Variants in AKT3 observed in about 807,000 individuals in gnomAD.
The protein encoded by AKT3 is RAC-gamma serine/threonine-protein kinase.
Under a neutral mutation model 65.3 loss-of-function variants are expected in AKT3, and 15 were observed. The observed-to-expected ratio is 0.23, with a 90% CI of 0.15 to 0.35. The LOEUF (loss-of-function observed/expected upper bound fraction) is 0.35, where lower values mean the gene tolerates loss of function less well. Among genes scored for constraint, AKT3 ranks in the 10% least tolerant of loss-of-function variants. The probability of loss-of-function intolerance (pLI) is 1.00; values close to 1 mark genes in which losing one functional copy is unlikely to be tolerated. For missense variants in AKT3, 243 were observed against 576.5 expected, an observed-to-expected ratio of 0.42 and a Z score of 5.92; for synonymous variants, 206 against 183.8, an observed-to-expected ratio of 1.12 and a Z score of -0.98.
chr1:243,730,155 C>CA lies in AKT3; in HGVS notation c.47-34440dup, dbSNP rs565102405. Among the ~76,000 whole-genome samples the CA allele has an allele frequency of 2.6e-5, 4 of 152,302 alleles. No homozygotes were observed. The South Asian group carries it at 8.3e-4, about 32-fold the overall frequency. The stretch of plus-strand genomic sequence containing the variant: ...AAATGGTGTTTTTTCCAGGTCCACC[C>CA]ATGGACCACTCAGCACGCACTTCCT... On this transcript the variant is annotated intron_variant, in intron 2 of 13. Transcript: ENST00000673466.
intron 2 of AKT3, among the ~76,000 whole-genome samples, chr1:243,778,326 A>G (rs1165495492): frequency 1.3e-5 from 2 of 152,248 alleles, no homozygotes; most frequent in Non-Finnish European, 2.9e-5. Flanking sequence ...AGACAATTAT[A>G]CAGAGTATTA....
intron 8 of AKT3, among the ~76,000 whole-genome samples, chr1:243,592,494 A>G (rs1028915236): frequency 2.0e-5 from 3 of 152,238 alleles, no homozygotes; most frequent in African/African-American, 7.2e-5. Flanking sequence ...CATGAAGCAC[A>G]GAGGAACAAA....
intron 2 of AKT3, among the ~76,000 whole-genome samples, chr1:243,817,726 G>A (rs1693615696): frequency 6.6e-6 from 1 of 152,216 alleles, no homozygotes; most frequent in African/African-American, 2.4e-5. Context: ...GTGATAGAGT[G>A]AGACTCTGTC....
upstream of AKT3, chr1:243,850,938 C>G (rs894268994): frequency 5.9e-5 from 9 of 152,136 alleles, no homozygotes; most frequent in East Asian, 1.5e-3. Flanking sequence ...GCTTCCTCGG[C>G]GCATCCGCCC....
chr1:243,740,175 C>T (rs951598763), intron 2 of AKT3, among the ~76,000 whole-genome samples: 24 of 152,240 alleles, frequency 1.6e-4, no homozygotes, highest in Middle Eastern at 3.4e-3. Context: ...CCAAAATTAG[C>T]ACCAAAACAC....
intron 8 of AKT3, chr1:243,612,445 T>A (rs1261698628): frequency 6.6e-6 from 1 of 152,186 alleles, no homozygotes; most frequent in Non-Finnish European, 1.5e-5. Flanking sequence ...ACAAACGAAT[T>A]CCTGCAAATC....
intron 2 of AKT3, among the ~76,000 whole-genome samples, chr1:243,835,398 C>T (rs572425264): frequency 5.9e-5 from 9 of 152,150 alleles, no homozygotes; most frequent in Middle Eastern, 3.4e-3. Context: ...ACCTGAATGA[C>T]GAAATAATCT....
In AKT3 at chr1:243,771,668, T is replaced by C. The variant is rs112914429; in HGVS notation, c.46+71457A>G. 8.9e-4 allele frequency among the ~76,000 whole-genome samples: 135 copies of C among 152,272 alleles called. 1 individual carries two copies. Among genetic ancestry groups the C allele is most frequent in the African/African-American group, 3.0e-3 (126 of 41,562 alleles). On this transcript the variant is annotated intron_variant, in intron 2 of 13. Transcript: ENST00000673466. ...GTCATCTCTGCTAACAAGGCATTTC[T>C]ATATACTCTTAGCTAAAAATACCAC...
At chr1:243,689,617 A>G (rs1684563027) in intron 3 of AKT3, among the ~76,000 whole-genome samples, 1 of 151,844 alleles carries the variant, frequency 6.6e-6, no homozygotes, top group Non-Finnish European at 1.5e-5. Flanking sequence ...TTTAAGTCCC[A>G]TAATTCCCTT....
intron 8 of AKT3, among the ~76,000 whole-genome samples, chr1:243,607,890 G>A (rs1475409876): frequency 6.6e-6 from 1 of 152,132 alleles, no homozygotes; most frequent in Non-Finnish European, 1.5e-5. Context: ...GGTTTTATAA[G>A]AAGCTTTTCC....
chr1:243,850,055 CGGCGGT>C lies in AKT3; in HGVS notation c.-134_-129del, dbSNP rs1234155602. On this transcript the variant is annotated 5_prime_UTR_variant, in exon 1 of 14. Coordinates refer to ENST00000673466, the MANE Select transcript of AKT3 (RefSeq NM_005465.7). ...TGGCTGTTACCTGCAACGGCGGCGG[CGGCGGT>C]GGCGGCCCCGCAGCTGCTCGGGCGG... 4 of 966,738 alleles carry C rather than the reference CGGCGGT, an allele frequency of 4.1e-6. No homozygotes were observed. The highest frequency in any genetic ancestry group is 5.3e-4 in the Middle Eastern group (1 of 1,886). The allele number at this position is 966,738 out of a possible 1,614,324, so 59.9% of individuals were successfully genotyped here.
chr1:243,601,213 C>A (rs1676975750), intron 8 of AKT3, among the ~76,000 whole-genome samples: 1 of 151,712 alleles, frequency 6.6e-6, no homozygotes, highest in African/African-American at 2.4e-5. Context: ...TATGATAAAG[C>A]CCTTACATGA....
At chr1:243,737,165 T>C (rs1349799438) in intron 2 of AKT3, among the ~76,000 whole-genome samples, 3 of 152,296 alleles carry the variant, frequency 2.0e-5, no homozygotes, top group Admixed American at 6.5e-5. Context: ...TCAAAACTTC[T>C]AGAAAGCCTT....
chr1:243,828,657 C>T (rs1694320298), intron 2 of AKT3, among the ~76,000 whole-genome samples: 1 of 152,122 alleles, frequency 6.6e-6, no homozygotes, highest in African/African-American at 2.4e-5. Flanking sequence ...TCTCTTACTT[C>T]ATTGTAAAAA....
chr1:243,739,654 T>C lies in AKT3; in HGVS notation c.47-43938A>G, dbSNP rs560447965. ...AACAGAGATCATTCACATCATCTTA[T>C]GGCTTTAAAGCCCCTCAACCACGTC... On this transcript the variant is annotated intron_variant, in intron 2 of 13. Transcript: ENST00000673466. 3 of 152,344 alleles carry C rather than the reference T, an allele frequency of 2.0e-5. No homozygotes were observed. The East Asian group carries it at 5.8e-4, about 29-fold the overall frequency. The allele number at this position is 152,344 out of a possible 1,614,324, so 9.4% of individuals were successfully genotyped here.
intron 2 of AKT3, chr1:243,814,422 G>GA (rs1693379409): frequency 6.6e-6 from 1 of 151,882 alleles, no homozygotes; most frequent in Admixed American, 6.6e-5. Flanking sequence ...AAAACAAATG[G>GA]AAAAAATTCT....
chr1:243,835,167 T>G (rs149311952), intron 2 of AKT3, among the ~76,000 whole-genome samples: 478 of 152,308 alleles, frequency 3.1e-3, no homozygotes, highest in African/African-American at 0.011. Context: ...CCGTCCATTA[T>G]AGAACATTCA....
At chr1:243,633,376 G>A (rs1679748980) in intron 6 of AKT3, among the ~76,000 whole-genome samples, 1 of 152,162 alleles carries the variant, frequency 6.6e-6, no homozygotes, top group African/African-American at 2.4e-5. Context: ...ATTACTGTAA[G>A]TTTGTGTTGT....
chr1:243,563,609 G>T, intron 10 of AKT3, 111 bp downstream of exon 10: 1 of 1,341,830 alleles, frequency 7.5e-7, no homozygotes. Context: ...GATTCAGGTT[G>T]AAATATAGAT....
Sources: allele counts gnomAD v4.1 joint callset (sites outside exome capture counted in the v4.1 genomes callset), GRCh38; gene constraint gnomAD v4.1.1; transcripts MANE v1.5; gene names NCBI Gene and HGNC (gene_info 2026-07-23, HGNC 2026-07-21).